The following BIN1 variants were observed in gnomAD, a reference collection of about 807,000 sequenced individuals.
BIN1 encodes the protein myc box-dependent-interacting protein 1.
BIN1 carries 53 observed loss-of-function variants against 82.0 expected under a neutral mutation model. The observed-to-expected ratio is 0.65, with a 90% CI of 0.52 to 0.81. BIN1 has a LOEUF of 0.81. Ranked by LOEUF, BIN1 falls within the 40% of genes least tolerant of loss-of-function variation. BIN1 has a pLI of 0.00. For missense variants in BIN1, 642 were observed against 784.4 expected, an observed-to-expected ratio of 0.82 and a Z score of 2.17; for synonymous variants, 302 against 328.0, an observed-to-expected ratio of 0.92 and a Z score of 0.86.
At chr2:127,064,293 CACA>C (rs1226386808) in intron 7 of BIN1, among the ~76,000 whole-genome samples, 1 of 152,216 alleles carries the variant, frequency 6.6e-6, no homozygotes, top group Non-Finnish European at 1.5e-5. Flanking sequence ...TGGAGTAGGG[CACA>C]ACAAGAGGGG....
At chr2:127,089,473 G>T (rs1392826454) in intron 1 of BIN1, among the ~76,000 whole-genome samples, 1 of 152,214 alleles carries the variant, frequency 6.6e-6, no homozygotes, top group African/African-American at 2.4e-5. Flanking sequence ...GAGGGAAGGG[G>T]TGGTCATCAC....
chr2:127,058,831 G>T (rs1178813025), intron 11 of BIN1, among the ~76,000 whole-genome samples, 180 bp downstream of exon 11: 1 of 152,210 alleles, frequency 6.6e-6, no homozygotes, highest in African/African-American at 2.4e-5. Context: ...CCGGAAGCAT[G>T]CCAGGCTGGA....
At chr2:127,086,513 T>C (rs1030546048) in intron 1 of BIN1, among the ~76,000 whole-genome samples, 1 of 139,180 alleles carries the variant, frequency 7.2e-6, no homozygotes, top group African/African-American at 2.6e-5. Flanking sequence ...CTTTTTTTCT[T>C]TTTTTTTTTT....
chr2:127,057,369 G>A lies in BIN1; in HGVS notation c.1131+104C>T, dbSNP rs1683829209. 3.6e-6 allele frequency: 5 copies of A among 1,384,190 alleles called. No individual in the cohort carries two copies. The highest frequency in any genetic ancestry group is 4.7e-6 in the Non-Finnish European group (5 of 1,053,384). 85.7% of individuals were successfully genotyped at this position (1,384,190 alleles called of 1,614,324 possible). A position where few individuals can be genotyped will look rare whatever the true frequency, so the allele number is the denominator to read the frequency against. On this transcript the variant is annotated intron_variant, in intron 12 of 18. Transcript: ENST00000316724. This position sits in a 1 kb window ranked among gnomAD's most constrained non-coding sequence, Gnocchi z 5.0. ...GAGAGGGAAACTGACACTCTCTCTG[G>A]CCAGATTCCTGGCTCTTGAGACAGA...
intron 15 of BIN1, among the ~76,000 whole-genome samples, chr2:127,051,777 G>A (rs189630673): frequency 3.9e-5 from 6 of 152,218 alleles, no homozygotes; most frequent in Admixed American, 2.0e-4. Flanking sequence ...CACGGGCACC[G>A]CAGCACGGGC....
intron 2 of BIN1, among the ~76,000 whole-genome samples, chr2:127,071,376 A>T (rs1247053064): frequency 6.6e-6 from 1 of 152,222 alleles, no homozygotes; most frequent in Non-Finnish European, 1.5e-5. Context: ...GCACTACAGC[A>T]GGGGTGCAGA....
intron 1 of BIN1, among the ~76,000 whole-genome samples, chr2:127,101,137 C>A (rs1259154139): frequency 6.6e-6 from 1 of 152,120 alleles, no homozygotes; most frequent in Non-Finnish European, 1.5e-5. Flanking sequence ...CCTTTAGCAG[C>A]CCCTCCTGCC....
intron 1 of BIN1, among the ~76,000 whole-genome samples, chr2:127,106,164 C>A (rs1681091027): frequency 6.6e-6 from 1 of 152,236 alleles, no homozygotes; most frequent in Non-Finnish European, 1.5e-5. Context: ...TGCCGCCACC[C>A]GCTCCCCGGC....
At chr2:127,100,200 C>T (rs1221054411) in intron 1 of BIN1, among the ~76,000 whole-genome samples, 1 of 152,226 alleles carries the variant, frequency 6.6e-6, no homozygotes, top group Non-Finnish European at 1.5e-5. Context: ...CATTTGCGTG[C>T]ATGAACCCCC....
At chr2:127,106,673 G>C (rs1681175602) in intron 1 of BIN1, among the ~76,000 whole-genome samples, 187 bp downstream of exon 1, 1 of 152,110 alleles carries the variant, frequency 6.6e-6, no homozygotes, top group Non-Finnish European at 1.5e-5. Flanking sequence ...GCAAACCTAA[G>C]AGGGCACCCA....
At chr2:127,048,670 A>T in intron 18 of BIN1, 37 bp from the exon 19 acceptor site, 2 of 1,592,910 alleles carry the variant, frequency 1.3e-6, no homozygotes, top group Non-Finnish European at 1.7e-6. Context: ...AGGGATGAGC[A>T]AGGGGCTCCA....
At position 127,057,552 on chromosome 2, in the gene BIN1, T is replaced by G; in HGVS notation, c.1052A>C (p.Lys351Thr). 4 of 1,544,282 alleles carry G rather than the reference T, an allele frequency of 2.6e-6. No individual in the cohort carries two copies. Among genetic ancestry groups the G allele is most frequent in the Non-Finnish European group, 2.6e-6 (3 of 1,141,862 alleles). ...VPPPPKHTPS[K>T]EVKQEQILSL... ...GAGGATCTGCTCCTGCTTGACTTCCTTGGACGGGGTGTGTTTGGGAGGCGG... is the reference window on the plus strand; with the variant it reads ...GAGGATCTGCTCCTGCTTGACTTCCGTGGACGGGGTGTGTTTGGGAGGCGG... Residue 351 changes from lysine to threonine, a missense_variant, in exon 12 of 19, where the codon AAG (lysine) becomes ACG (threonine). Coordinates refer to ENST00000316724, the MANE Select transcript of BIN1 (RefSeq NM_139343.3). The surrounding 1 kb of genome is among the most constrained non-coding windows in gnomAD (Gnocchi z 5.0).
In BIN1 at chr2:127,050,542, C is replaced by A. The variant is rs367735527; in HGVS notation, c.1573-20G>T. On this transcript the variant is annotated intron_variant, in intron 17 of 18. Coordinates refer to ENST00000316724, the MANE Select transcript of BIN1 (RefSeq NM_139343.3). The stretch of plus-strand genomic sequence containing the variant: ...CTGTACCTGCAGAGGATGCGGATCG[C>A]AAGTCAGACCTTCCGTCCCACCTCC... 4 of 1,613,382 alleles carry A rather than the reference C, an allele frequency of 2.5e-6. No individual in the cohort carries two copies. In the African/African-American group the frequency reaches 5.3e-5, roughly 22 times the overall value.
chr2:127,049,267 A>G (rs1189014784), intron 18 of BIN1, among the ~76,000 whole-genome samples: 1 of 152,144 alleles, frequency 6.6e-6, no homozygotes, highest in Non-Finnish European at 1.5e-5. Context: ...AGCCCCCTCC[A>G]GCAGCCCCAG....
rs968791655 is a variant in BIN1, at chr2:127,059,341, G to T, written c.858-186C>A. On this transcript the variant is annotated intron_variant, in intron 10 of 18. Transcript: ENST00000316724. The surrounding 1 kb of genome is among the most constrained non-coding windows in gnomAD (Gnocchi z 6.7). The stretch of plus-strand genomic sequence containing the variant: ...GGGGGGAGCCAAGGGACCTGGGCTT[G>T]GGGGGCTGGAAGTGGGAAGCCTGCC... 6.6e-6 allele frequency among the ~76,000 whole-genome samples: 1 copy of T among 151,832 alleles called. No homozygotes were observed. Among genetic ancestry groups the T allele is most frequent in the Non-Finnish European group, 1.5e-5 (1 of 67,930 alleles).
At chr2:127,053,321 G>C in intron 14 of BIN1, 101 bp downstream of exon 14, 1 of 1,511,138 alleles carries the variant, frequency 6.6e-7, no homozygotes, top group Admixed American at 1.8e-5. Context: ...GGGGTGTGTG[G>C]GGTGCATGCA....
chr2:127,084,278 C>T (rs1257441531), intron 1 of BIN1, among the ~76,000 whole-genome samples: 3 of 152,238 alleles, frequency 2.0e-5, no homozygotes, highest in Non-Finnish European at 2.9e-5. Flanking sequence ...ATCTCCTCCA[C>T]GTGACCCGGC....
At chr2:127,103,924 G>A (rs1298217935) in intron 1 of BIN1, among the ~76,000 whole-genome samples, 3 of 152,206 alleles carry the variant, frequency 2.0e-5, no homozygotes, top group South Asian at 2.1e-4. Flanking sequence ...CGCATTCCGG[G>A]GGCAGTGGCC....
chr2:127,053,872 G>A (rs1403675884), intron 13 of BIN1, 33 bp downstream of exon 13: 1 of 1,542,902 alleles, frequency 6.5e-7, no homozygotes, highest in Non-Finnish European at 8.8e-7. Context: ...CTGGAAGCTG[G>A]TGGGCCCATG....
Sources: allele counts gnomAD v4.1 joint callset (sites outside exome capture counted in the v4.1 genomes callset), GRCh38; gene constraint gnomAD v4.1.1; non-coding constraint Gnocchi (gnomAD v3.1); transcripts MANE v1.5; gene names NCBI Gene and HGNC (gene_info 2026-07-23, HGNC 2026-07-21).